Variants in EVL observed in about 807,000 individuals in gnomAD.
EVL encodes Enah/Vasp-like.
EVL carries 21 observed loss-of-function variants against 59.6 expected under a neutral mutation model. The observed-to-expected ratio is 0.35, with a 90% CI of 0.25 to 0.51. The LOEUF is 0.51. Among genes scored for constraint, EVL ranks in the 20% least tolerant of loss-of-function variants. EVL has a pLI of 0.97. For synonymous variants in EVL, 198 were observed against 203.5 expected (o/e 0.97, Z 0.23); for missense variants, 462 against 546.6 (o/e 0.85, Z 1.54).
intron 9 of EVL, 64 bp from the exon 10 acceptor site, chr14:100,137,514 G>A: frequency 3.2e-6 from 5 of 1,548,824 alleles, no homozygotes; most frequent in Admixed American, 1.7e-5. Flanking sequence ...GGTGTTTAGG[G>A]GATTGGGGTG....
chr14:100,009,299 A>G (rs937879194), intron 1 of EVL, among the ~76,000 whole-genome samples: 5 of 152,186 alleles, frequency 3.3e-5, no homozygotes, highest in African/African-American at 1.2e-4. Context: ...AGATGTGCAT[A>G]TTTATTCCCC....
rs187374106 is a variant in EVL, at chr14:100,074,019, G to T, written c.11+8508G>T. On this transcript the variant is annotated intron_variant, in intron 1 of 13. Coordinates refer to ENST00000392920, the MANE Select transcript of EVL (RefSeq NM_016337.3). ...GTCACCCCCGGGGGCGGTGGGGGCG[G>T]GGGGTCGGGGAGCAGTGTGAGTAGA... 2.0e-3 allele frequency among the ~76,000 whole-genome samples: 305 copies of T among 151,314 alleles called. 1 individual carries two copies. The highest frequency in any genetic ancestry group is 0.014 in the Middle Eastern group (4 of 292).
At chr14:100,135,855 C>T (rs1228933393) in intron 8 of EVL, 50 bp from the exon 9 acceptor site, 24 of 1,567,620 alleles carry the variant, frequency 1.5e-5, no homozygotes, top group Non-Finnish European at 1.8e-5. Flanking sequence ...GATGTCCTGC[C>T]CTGGCCCCAG....
intron 1 of EVL, among the ~76,000 whole-genome samples, chr14:100,018,730 G>A (rs1049547668): frequency 4.6e-5 from 7 of 152,174 alleles, no homozygotes; most frequent in Admixed American, 3.9e-4. Flanking sequence ...TGACTCATAC[G>A]TTTTTATTTG....
At chr14:100,027,328 A>G (rs922617329) in intron 1 of EVL, among the ~76,000 whole-genome samples, 2 of 152,154 alleles carry the variant, frequency 1.3e-5, no homozygotes, top group African/African-American at 4.8e-5. Flanking sequence ...CTATTGTACT[A>G]CTGAACACTA....
intron 1 of EVL, among the ~76,000 whole-genome samples, chr14:100,000,409 G>A (rs1001333877): frequency 2.7e-5 from 4 of 146,756 alleles, no homozygotes; most frequent in African/African-American, 7.7e-5. Flanking sequence ...GTGCAGTGGC[G>A]CGATCTCTGC....
chr14:99,986,548 T>C (rs2060841642), intron 1 of EVL, among the ~76,000 whole-genome samples: 1 of 152,186 alleles, frequency 6.6e-6, no homozygotes, highest in African/African-American at 2.4e-5. Context: ...CAGAGTGATA[T>C]GCTTCAGAGT....
At chr14:99,982,555 G>GA (rs1167064473) in intron 1 of EVL, among the ~76,000 whole-genome samples, 2 of 152,192 alleles carry the variant, frequency 1.3e-5, no homozygotes, top group African/African-American at 4.8e-5. Flanking sequence ...AATCAGGAGA[G>GA]AGAAGTAAAT....
intron 4 of EVL, among the ~76,000 whole-genome samples, chr14:100,126,139 C>T (rs1009226746): frequency 6.6e-6 from 1 of 152,236 alleles, no homozygotes; most frequent in East Asian, 1.9e-4. Flanking sequence ...CCTGAGGCCA[C>T]CCTGCCATAA....
chr14:100,079,181 G>T (rs568317817), intron 1 of EVL, among the ~76,000 whole-genome samples: 1 of 152,228 alleles, frequency 6.6e-6, no homozygotes, highest in Non-Finnish European at 1.5e-5. Flanking sequence ...GAGCCCACCC[G>T]CAGAGCTGTG....
chr14:99,973,187 T>G (rs1185792035), intron 1 of EVL, among the ~76,000 whole-genome samples: 1 of 152,232 alleles, frequency 6.6e-6, no homozygotes, highest in Non-Finnish European at 1.5e-5. Context: ...AAGCATATCT[T>G]TAGCATTAGC....
At chr14:99,991,627 A>G (rs1161350926) in intron 1 of EVL, among the ~76,000 whole-genome samples, 1 of 152,228 alleles carries the variant, frequency 6.6e-6, no homozygotes, top group Non-Finnish European at 1.5e-5. Flanking sequence ...TTGTTTCCAA[A>G]GTTGATATAC....
chr14:100,065,452 A>C lies in EVL; in HGVS notation c.-49A>C. ...CCTCTGATCAACATAGGCTGGTGGG[A>C]GTACAGGACTCGCCTCCTCAGGGTT... On this transcript the variant is annotated 5_prime_UTR_variant, in exon 1 of 14. Transcript: ENST00000392920. 7.0e-7 allele frequency: 1 copy of C among 1,420,230 alleles called. No individual in the cohort carries two copies. The allele number at this position is 1,420,230 out of a possible 1,614,324, so 88.0% of individuals were successfully genotyped here.
At chr14:99,971,580 A>G (rs1444067685) in exon 1 of EVL, 1 of 151,246 alleles carries the variant, frequency 6.6e-6, no homozygotes, top group Non-Finnish European at 1.5e-5. Context: ...CAACGCGCGT[A>G]CCCTAGCTCT....
chr14:100,122,860 C>T (rs1279000335), intron 3 of EVL, among the ~76,000 whole-genome samples: 2 of 152,212 alleles, frequency 1.3e-5, no homozygotes, highest in East Asian at 1.9e-4. Flanking sequence ...TCGCCTATGC[C>T]GGGGTCCCTC....
chr14:100,076,091 T>G (rs1371703912), intron 1 of EVL, among the ~76,000 whole-genome samples: 1 of 152,234 alleles, frequency 6.6e-6, no homozygotes, highest in Non-Finnish European at 1.5e-5. Flanking sequence ...CCTCTGGATG[T>G]AGGAAAAAGA....
At chr14:100,019,833 TG>T (rs2061089590) in intron 1 of EVL, 10 of 786,138 alleles carry the variant, frequency 1.3e-5, no homozygotes, top group Non-Finnish European at 2.0e-5. Flanking sequence ...ATCCCAGTCA[TG>T]GGGGTGGGAG....
At chr14:100,097,046 G>C (rs966973439) in intron 2 of EVL, 1 of 156,798 alleles carries the variant, frequency 6.4e-6, no homozygotes, top group Non-Finnish European at 1.4e-5. Context: ...TATCTAGAAG[G>C]TAAGCTATAA....
chr14:100,048,562 G>C (rs1401710565), intron 1 of EVL, among the ~76,000 whole-genome samples: 1 of 152,146 alleles, frequency 6.6e-6, no homozygotes, highest in Non-Finnish European at 1.5e-5. Context: ...AAAGCAGTTT[G>C]GCAGTTCCTT....
Sources: allele counts gnomAD v4.1 joint callset (sites outside exome capture counted in the v4.1 genomes callset), GRCh38; gene constraint gnomAD v4.1.1; transcripts MANE v1.5; gene names NCBI Gene and HGNC (gene_info 2026-07-23, HGNC 2026-07-21).